The following GABRB1 variants were observed in gnomAD, a reference collection of about 807,000 sequenced individuals.
GABRB1 encodes the protein gamma-aminobutyric acid type A receptor subunit beta1.
GABRB1 carries 17 observed loss-of-function variants against 51.6 expected under a neutral mutation model. The observed-to-expected ratio is 0.33, with a 90% CI of 0.23 to 0.49. The LOEUF is 0.49. Ranked by LOEUF, GABRB1 falls within the 20% of genes least tolerant of loss-of-function variation. The pLI is 0.99. For synonymous variants in GABRB1, 247 were observed against 218.9 expected (o/e 1.13, Z -1.14); for missense variants, 410 against 600.6 (o/e 0.68, Z 3.32).
intron 3 of GABRB1, among the ~76,000 whole-genome samples, chr4:47,146,332 T>A (rs1717171245): frequency 6.6e-6 from 1 of 151,992 alleles, no homozygotes; most frequent in Non-Finnish European, 1.5e-5. Flanking sequence ...CTTTTCCTCT[T>A]TTTGGTAGTC....
chr4:47,321,884 C>A (rs1025015534), intron 5 of GABRB1, among the ~76,000 whole-genome samples: 12 of 152,132 alleles, frequency 7.9e-5, no homozygotes, highest in South Asian at 2.1e-4. Context: ...TGAATTTTGA[C>A]AAATACTTGA....
chr4:47,175,407 T>G (rs1351399056), intron 4 of GABRB1, among the ~76,000 whole-genome samples: 3 of 152,116 alleles, frequency 2.0e-5, no homozygotes, highest in African/African-American at 7.2e-5. Flanking sequence ...TTTCCTACAA[T>G]GCACACTATA....
intron 3 of GABRB1, among the ~76,000 whole-genome samples, chr4:47,121,776 A>G (rs891564364): frequency 2.6e-5 from 4 of 152,222 alleles, no homozygotes; most frequent in African/African-American, 9.6e-5. Context: ...ATTAAAGACA[A>G]CAGTCGTTTG....
intron 5 of GABRB1, among the ~76,000 whole-genome samples, chr4:47,350,062 G>A (rs555376212): frequency 4.6e-5 from 7 of 151,632 alleles, no homozygotes; most frequent in Non-Finnish European, 1.0e-4. Context: ...CTTTAGCAAA[G>A]TGACTGCAAT....
chr4:47,348,074 C>T (rs1015379947), intron 5 of GABRB1, among the ~76,000 whole-genome samples: 1 of 152,280 alleles, frequency 6.6e-6, no homozygotes, highest in African/African-American at 2.4e-5. Context: ...TGGTCCCTAG[C>T]TTTCTTCTTG....
chr4:47,051,844 T>C (rs1726361456), intron 3 of GABRB1, among the ~76,000 whole-genome samples: 1 of 152,076 alleles, frequency 6.6e-6, no homozygotes, highest in African/African-American at 2.4e-5. Context: ...AAAGCATGAT[T>C]AAGGCTGGGT....
chr4:47,279,111 GAT>G (rs1257975386), intron 4 of GABRB1, among the ~76,000 whole-genome samples: 1 of 151,912 alleles, frequency 6.6e-6, no homozygotes. Flanking sequence ...TGGATGGATG[GAT>G]GGATGGATGG....
chr4:47,360,227 AT>A (rs532024259), intron 5 of GABRB1, among the ~76,000 whole-genome samples: 32 of 151,462 alleles, frequency 2.1e-4, no homozygotes, highest in South Asian at 1.9e-3. Context: ...GATAAGGAAG[AT>A]TTTTTTTTCC....
chr4:47,328,941 T>C (rs1725358615), intron 5 of GABRB1, among the ~76,000 whole-genome samples: 1 of 151,840 alleles, frequency 6.6e-6, no homozygotes, highest in South Asian at 2.1e-4. Context: ...GAAATATCTG[T>C]CCACCTAGTG....
In GABRB1 at chr4:47,237,609, A is replaced by G. The variant is rs1721374814; in HGVS notation, c.461+76140A>G. 2.0e-5 allele frequency among the ~76,000 whole-genome samples: 3 copies of G among 152,078 alleles called. No individual in the cohort carries two copies. In the South Asian group the frequency reaches 6.2e-4, roughly 31 times the overall value. On this transcript the variant is annotated intron_variant, in intron 4 of 8. Transcript: ENST00000295454. ...AATTGCAAAAAAATACCAATTCCAG[A>G]TTCCACTGAATGTTCTAAGAAATTT... is the stretch of plus-strand genomic sequence containing the variant.
At chr4:47,414,847 T>C (rs1214153826) in intron 8 of GABRB1, among the ~76,000 whole-genome samples, 1 of 152,182 alleles carries the variant, frequency 6.6e-6, no homozygotes, top group Admixed American at 6.5e-5. Context: ...TACAGCTCTG[T>C]CTTTAGGTCC....
At chr4:47,089,354 C>T (rs546353732) in intron 3 of GABRB1, among the ~76,000 whole-genome samples, 4 of 152,196 alleles carry the variant, frequency 2.6e-5, no homozygotes, top group South Asian at 2.1e-4. Flanking sequence ...GACTAGGGAA[C>T]GAAAGGCAAT....
At position 47,403,717 on chromosome 4, in the gene GABRB1, A is replaced by G. The variant is rs181135297; in HGVS notation, c.835+6A>G. On this transcript the variant is annotated splice_donor_region_variant and intron_variant, in intron 7 of 8. Coordinates refer to ENST00000295454, the MANE Select transcript of GABRB1 (RefSeq NM_000812.4). ...TGCAGCCAGAGTCGCACTAGGTAAT[A>G]CATTCTCAGCACTGCAGAGAGCTAA... is the stretch of plus-strand genomic sequence containing the variant. 429 of 1,611,464 alleles carry G rather than the reference A, an allele frequency of 2.7e-4. 1 individual carries two copies. In the African/African-American group the frequency reaches 5.1e-3, roughly 19 times the overall value.
intron 4 of GABRB1, among the ~76,000 whole-genome samples, chr4:47,259,830 T>G (rs1022747492): frequency 6.6e-6 from 1 of 152,198 alleles, no homozygotes; most frequent in Non-Finnish European, 1.5e-5. Context: ...CCCTAGCTTT[T>G]ACCAAACCTC....
At chr4:47,178,179 A>T (rs1718780308) in intron 4 of GABRB1, among the ~76,000 whole-genome samples, 1 of 152,102 alleles carries the variant, frequency 6.6e-6, no homozygotes. Flanking sequence ...GAGATCATTA[A>T]ATGAGAAAAT....
intron 4 of GABRB1, among the ~76,000 whole-genome samples, chr4:47,294,282 C>G (rs895985718): frequency 6.6e-6 from 1 of 152,074 alleles, no homozygotes; most frequent in East Asian, 1.9e-4. Flanking sequence ...TGCACTGTGC[C>G]CGAGCTGAAG....
chr4:47,303,940 C>A (rs1179406560), intron 4 of GABRB1, among the ~76,000 whole-genome samples: 1 of 151,984 alleles, frequency 6.6e-6, no homozygotes, highest in Non-Finnish European at 1.5e-5. Context: ...GGGCTTATTT[C>A]ACTTAACATG....
intron 3 of GABRB1, among the ~76,000 whole-genome samples, chr4:47,057,527 A>G (rs1355854867): frequency 6.6e-6 from 1 of 152,244 alleles, no homozygotes; most frequent in Non-Finnish European, 1.5e-5. Context: ...GTTCCTTTAC[A>G]CAGGAACAAA....
At chr4:47,177,112 C>T (rs1313469217) in intron 4 of GABRB1, among the ~76,000 whole-genome samples, 3 of 152,036 alleles carry the variant, frequency 2.0e-5, no homozygotes, top group African/African-American at 4.8e-5. Flanking sequence ...ATTTTAAGAA[C>T]ATCATTGACA....
Sources: allele counts gnomAD v4.1 joint callset (sites outside exome capture counted in the v4.1 genomes callset), GRCh38; gene constraint gnomAD v4.1.1; transcripts MANE v1.5; gene names NCBI Gene and HGNC (gene_info 2026-07-23, HGNC 2026-07-21).